CFAP221: variants seen among roughly 807,000 people sequenced by gnomAD.
CFAP221 encodes the protein cilia and flagella associated protein 221, also known as cilia- and flagella-associated protein 221.
A neutral mutation model predicts 113.1 loss-of-function variants in CFAP221; 97 were observed. The ratio of observed to expected loss-of-function variants is 0.86; its 90% CI spans 0.73 to 1.02. The LOEUF is 1.02. CFAP221 is among the 50% of genes least tolerant of loss of function. The pLI, the probability that CFAP221 is intolerant of heterozygous loss-of-function variation, is 0.00. For missense variants in CFAP221, 1,025 were observed against 1,013.4 expected, an observed-to-expected ratio of 1.01 and a Z score of -0.16; for synonymous variants, 331 against 354.4, an observed-to-expected ratio of 0.93 and a Z score of 0.74.
At chr2:119,602,855 A>G (rs1483905685) in intron 8 of CFAP221, 2 of 845,930 alleles carry the variant, frequency 2.4e-6, no homozygotes, top group Non-Finnish European at 2.8e-6. Context: ...TTTTATTTGT[A>G]TATCCTTCCA....
At chr2:119,635,350 A>C (rs1370551153) in intron 19 of CFAP221, among the ~76,000 whole-genome samples, 4 of 152,246 alleles carry the variant, frequency 2.6e-5, no homozygotes, top group African/African-American at 9.6e-5. Flanking sequence ...CTTGTGCAAG[A>C]ATATTCATAG....
intron 1 of CFAP221, 107 bp from the exon 2 acceptor site, chr2:119,545,978 C>T: frequency 1.3e-6 from 1 of 766,582 alleles, no homozygotes; most frequent in Non-Finnish European, 2.0e-6. Context: ...CCAGGGAGGG[C>T]ATGAACCACA....
rs190420666 is a variant in CFAP221, at chr2:119,555,447, A to G, written c.241-4242A>G. ...TGTTTTCAAATAAACTCTTCATATTAATTTAACATACACTTTCTAAGCACT... is the reference window on the plus strand; with the variant it reads ...TGTTTTCAAATAAACTCTTCATATTGATTTAACATACACTTTCTAAGCACT... On this transcript the variant is annotated intron_variant, in intron 3 of 23. Coordinates refer to ENST00000413369, the MANE Select transcript of CFAP221 (RefSeq NM_001271049.2). 9.9e-4 allele frequency among the ~76,000 whole-genome samples: 151 copies of G among 152,254 alleles called. 1 individual carries two copies. Among genetic ancestry groups the G allele is most frequent in the African/African-American group, 3.5e-3 (144 of 41,556 alleles).
chr2:119,582,992 A>T lies in CFAP221; in HGVS notation c.528-4127A>T, dbSNP rs1176148300. 2.6e-5 allele frequency among the ~76,000 whole-genome samples: 4 copies of T among 152,098 alleles called. No homozygotes were observed. The East Asian group carries it at 7.7e-4, about 29-fold the overall frequency. The stretch of plus-strand genomic sequence containing the variant: ...TAACAAATGAAAACCTATTAAACTC[A>T]CCTATTAAAGGAAAAGATTATCCTA... On this transcript the variant is annotated intron_variant, in intron 6 of 23. Coordinates refer to ENST00000413369, the MANE Select transcript of CFAP221 (RefSeq NM_001271049.2).
chr2:119,617,806 T>G (rs1404442346), intron 14 of CFAP221, among the ~76,000 whole-genome samples: 2 of 152,226 alleles, frequency 1.3e-5, no homozygotes, highest in Non-Finnish European at 2.9e-5. Flanking sequence ...GAAGATGTTC[T>G]GTAACAGTTG....
chr2:119,646,975 C>T lies in CFAP221; in HGVS notation c.2243C>T (p.Ser748Leu), dbSNP rs751561709. Residue 748 changes from serine to leucine, a missense_variant, in exon 22 of 24, where the codon TCA becomes TTA. Coordinates refer to ENST00000413369, the MANE Select transcript of CFAP221 (RefSeq NM_001271049.2). ...ETTKSCDSFN[S>L]FMLPIDVPAI... is the part of the protein sequence containing the mutation. ...TTCCACAGCTGCGATTCCTTCAATT[C>T]ATTTATGCTTCCGATAGACGTCCCT... 1.2e-6 allele frequency: 2 copies of T among 1,613,526 alleles called. No homozygotes were observed. Among genetic ancestry groups the T allele is most frequent in the South Asian group, 1.1e-5 (1 of 91,050 alleles).
intron 19 of CFAP221, chr2:119,631,142 A>G (rs1686749034): frequency 8.5e-6 from 9 of 1,061,960 alleles, no homozygotes; most frequent in Non-Finnish European, 1.1e-5. Flanking sequence ...AAATATCTAT[A>G]ATATGTACAT....
At chr2:119,548,863 T>C (rs1280011834) in intron 2 of CFAP221, among the ~76,000 whole-genome samples, 2 of 152,262 alleles carry the variant, frequency 1.3e-5, no homozygotes, top group Non-Finnish European at 1.5e-5. Flanking sequence ...CTTTGTATTG[T>C]AATGATAGTA....
intron 14 of CFAP221, among the ~76,000 whole-genome samples, chr2:119,617,416 T>C (rs1379207886): frequency 6.6e-6 from 1 of 152,188 alleles, no homozygotes; most frequent in African/African-American, 2.4e-5. Context: ...CACAAAGCTG[T>C]GCTCCCAGGG....
chr2:119,622,372 T>TTAA (rs1685993119), intron 14 of CFAP221, among the ~76,000 whole-genome samples: 1 of 152,108 alleles, frequency 6.6e-6, no homozygotes, highest in African/African-American at 2.4e-5. Context: ...GAGACAGTAA[T>TTAA]TAATAGCCTA....
chr2:119,630,230 T>C (rs1232744282), intron 17 of CFAP221, among the ~76,000 whole-genome samples: 2 of 152,194 alleles, frequency 1.3e-5, no homozygotes, highest in Non-Finnish European at 2.9e-5. Context: ...AGAAAAAATA[T>C]AAGATAAAGT....
At chr2:119,630,979 A>G (rs1686737137) in intron 19 of CFAP221, 78 bp downstream of exon 19, 1 of 1,515,776 alleles carries the variant, frequency 6.6e-7, no homozygotes, top group African/African-American at 1.4e-5. Flanking sequence ...CAGAGCACTC[A>G]TTGGGAATAT....
intron 3 of CFAP221, among the ~76,000 whole-genome samples, chr2:119,559,210 C>T (rs930853832): frequency 1.3e-5 from 2 of 152,182 alleles, no homozygotes; most frequent in Admixed American, 6.5e-5. Context: ...TCTGCCCAGG[C>T]GTGGATTGGA....
chr2:119,655,454 T>C (rs1270549608), intron 23 of CFAP221, among the ~76,000 whole-genome samples: 1 of 152,206 alleles, frequency 6.6e-6, no homozygotes, highest in Non-Finnish European at 1.5e-5. Context: ...TAATTCTCCA[T>C]TTTCAGGTAT....
chr2:119,577,066 A>G (rs1682499841), intron 6 of CFAP221, among the ~76,000 whole-genome samples: 1 of 152,256 alleles, frequency 6.6e-6, no homozygotes, highest in Admixed American at 6.5e-5. Flanking sequence ...AAATTCCCAT[A>G]GACTGGGAGG....
intron 6 of CFAP221, among the ~76,000 whole-genome samples, chr2:119,582,938 A>G (rs1682948629): frequency 6.6e-6 from 1 of 152,240 alleles, no homozygotes; most frequent in Non-Finnish European, 1.5e-5. Context: ...GGTGGTAGAA[A>G]TAAGTTCAAA....
chr2:119,652,853 A>C (rs1229314900), intron 23 of CFAP221, among the ~76,000 whole-genome samples: 1 of 150,668 alleles, frequency 6.6e-6, no homozygotes. Context: ...AAAAATTAGA[A>C]AATATAAAAA....
chr2:119,583,578 A>T (rs1682996869), intron 6 of CFAP221, among the ~76,000 whole-genome samples: 1 of 152,184 alleles, frequency 6.6e-6, no homozygotes, highest in Non-Finnish European at 1.5e-5. Context: ...GTAGCATTGC[A>T]ATACACTAGT....
intron 6 of CFAP221, chr2:119,572,798 C>T (rs1009145491): frequency 1.9e-6 from 1 of 533,374 alleles, no homozygotes; most frequent in African/African-American, 1.9e-5. Context: ...TGGGCTCCTG[C>T]AGCAAGTGGA....
Sources: gnomAD v4.1 joint callset for allele counts (sites outside exome capture counted in the v4.1 genomes callset) on GRCh38, gnomAD v4.1.1 for gene constraint, MANE v1.5 for transcripts, NCBI Gene and HGNC (gene_info 2026-07-23, HGNC 2026-07-21) for gene names.